Variants in DDX10 observed in about 807,000 individuals in gnomAD.
DDX10 encodes DEAD-box helicase 10, also known as probable ATP-dependent RNA helicase DDX10.
In DDX10, 74 loss-of-function variants were observed where a neutral mutation model predicts 104.3. That is an observed-to-expected ratio of 0.71 (90% CI 0.59 to 0.86). The LOEUF is 0.86. DDX10 is among the 40% of genes least tolerant of loss of function. The pLI is 0.00. For synonymous variants in DDX10, 351 were observed against 353.4 expected (o/e 0.99, Z 0.08); for missense variants, 952 against 1,040.0 (o/e 0.92, Z 1.16).
Position 108,838,478 on chromosome 11 carries a change from A to G in DDX10, c.1998A>G (p.Lys666=). 1 of 1,612,904 alleles carries G rather than the reference A, an allele frequency of 6.2e-7. No homozygotes were observed. The highest frequency in any genetic ancestry group is 8.5e-7 in the Non-Finnish European group (1 of 1,179,568). Residue 666 remains lysine (K), a synonymous_variant, in exon 14 of 18, where the codon AAA becomes AAG. Transcript: ENST00000322536. ...KKEPSKSSIK[K]KMTKVAEAKK... Reference sequence around the variant, plus strand: ...AACCTTCTAAATCCAGCATCAAGAAAAAAATGACCAAAGTTGCAGAAGCAA... The same window carrying G: ...AACCTTCTAAATCCAGCATCAAGAAGAAAATGACCAAAGTTGCAGAAGCAA...
chr11:108,839,836 A>C (rs973670526), intron 14 of DDX10, among the ~76,000 whole-genome samples: 3 of 152,220 alleles, frequency 2.0e-5, no homozygotes, highest in African/African-American at 7.2e-5. Flanking sequence ...GTCATATGAC[A>C]TCTGATGTTC....
At chr11:108,718,030 T>A (rs574954537) in intron 11 of DDX10, among the ~76,000 whole-genome samples, 80 of 152,190 alleles carry the variant, frequency 5.3e-4, no homozygotes, top group Non-Finnish European at 9.3e-4. Flanking sequence ...CTGGGTGTGG[T>A]GGTGCATGCC....
intron 17 of DDX10, among the ~76,000 whole-genome samples, chr11:108,924,586 T>G (rs930595101): frequency 9.9e-5 from 15 of 152,240 alleles, no homozygotes; most frequent in Admixed American, 9.8e-4. Context: ...TGTTCCATAT[T>G]CATTTTTCTA....
At chr11:108,818,122 C>T (rs1250070371) in intron 13 of DDX10, among the ~76,000 whole-genome samples, 3 of 152,182 alleles carry the variant, frequency 2.0e-5, no homozygotes, top group Non-Finnish European at 4.4e-5. Flanking sequence ...TTCCTATTTC[C>T]TCCTGTCAGC....
intron 13 of DDX10, among the ~76,000 whole-genome samples, chr11:108,745,171 T>TCCCCC (rs1555020839): frequency 1.3e-4 from 12 of 89,012 alleles, no homozygotes; most frequent in Non-Finnish European, 1.7e-4. Context: ...CTTCCCTTCC[T>TCCCCC]CCCTCCCCTC....
intron 17 of DDX10, chr11:108,918,303 T>C (rs960129498): frequency 1.5e-5 from 6 of 398,448 alleles, no homozygotes; most frequent in South Asian, 9.0e-5. Context: ...TTTTTTTTTT[T>C]TTCTTATCTT....
intron 13 of DDX10, among the ~76,000 whole-genome samples, chr11:108,781,743 A>C (rs1466184705): frequency 6.6e-6 from 1 of 151,538 alleles, no homozygotes; most frequent in Non-Finnish European, 1.5e-5. Flanking sequence ...TCTCACCCCC[A>C]TTGTTTGTTT....
At chr11:108,712,337 G>A (rs1040975082) in intron 10 of DDX10, among the ~76,000 whole-genome samples, 2 of 152,066 alleles carry the variant, frequency 1.3e-5, no homozygotes, top group African/African-American at 2.4e-5. Context: ...TAATGTATTC[G>A]TTACTGTTTT....
At chr11:108,715,575 T>C (rs2094290300) in intron 10 of DDX10, among the ~76,000 whole-genome samples, 1 of 152,240 alleles carries the variant, frequency 6.6e-6, no homozygotes, top group Non-Finnish European at 1.5e-5. Context: ...GGATCTCTCA[T>C]GGGAGACTAC....
chr11:108,789,634 G>A (rs1861843647), intron 13 of DDX10, among the ~76,000 whole-genome samples: 1 of 152,218 alleles, frequency 6.6e-6, no homozygotes, highest in South Asian at 2.1e-4. Context: ...AATGACTGAA[G>A]TTCTACTTCT....
chr11:108,934,891 A>C (rs1201366290), intron 17 of DDX10, among the ~76,000 whole-genome samples: 1 of 152,156 alleles, frequency 6.6e-6, no homozygotes, highest in African/African-American at 2.4e-5. Flanking sequence ...GACTGGATTG[A>C]GTGTTCTGGG....
At chr11:108,888,527 G>A (rs887006037) in intron 16 of DDX10, among the ~76,000 whole-genome samples, 5 of 152,088 alleles carry the variant, frequency 3.3e-5, no homozygotes, top group African/African-American at 1.2e-4. Context: ...AATATTACTT[G>A]TCTTGACTAT....
Position 108,724,772 on chromosome 11 carries a change from C to T in DDX10, c.1965+1310C>T, listed in dbSNP as rs142956290. On this transcript the variant is annotated intron_variant, in intron 13 of 17. Coordinates refer to ENST00000322536, the MANE Select transcript of DDX10 (RefSeq NM_004398.4). ...CCATGAATTGTTCACGTAAGTAGGA[C>T]ATGTGTCTAAGTACTAATAGCTCAT... Among the ~76,000 whole-genome samples the T allele has an allele frequency of 9.3e-4, 142 of 152,124 alleles. 1 individual carries two copies. Among genetic ancestry groups the T allele is most frequent in the African/African-American group, 3.0e-3 (125 of 41,536 alleles).
At chr11:108,809,181 A>T (rs1371754838) in intron 13 of DDX10, among the ~76,000 whole-genome samples, 1 of 152,210 alleles carries the variant, frequency 6.6e-6, no homozygotes, top group African/African-American at 2.4e-5. Context: ...GCATTCACTC[A>T]AACATTTAGT....
At chr11:108,928,665 C>G (rs1863939558) in intron 17 of DDX10, among the ~76,000 whole-genome samples, 1 of 152,152 alleles carries the variant, frequency 6.6e-6, no homozygotes, top group African/African-American at 2.4e-5. Flanking sequence ...CTCTGTGACC[C>G]AGCTTTCTTC....
At chr11:108,716,113 TG>T (rs1322640918) in intron 11 of DDX10, 147 bp downstream of exon 11, 2 of 612,660 alleles carry the variant, frequency 3.3e-6, no homozygotes, top group Non-Finnish European at 3.0e-6. Context: ...TTTTTTTTTT[TG>T]AGATGGAGTC....
chr11:108,867,890 T>C (rs994056854), intron 16 of DDX10, among the ~76,000 whole-genome samples: 3 of 152,180 alleles, frequency 2.0e-5, no homozygotes, highest in Admixed American at 1.3e-4. Flanking sequence ...ATAACACTGA[T>C]AGTTATAATG....
intron 13 of DDX10, among the ~76,000 whole-genome samples, chr11:108,773,987 AGCTTCAAG>A (rs2094366648): frequency 6.6e-6 from 1 of 152,218 alleles, no homozygotes; most frequent in African/African-American, 2.4e-5. Flanking sequence ...AGTGTGTCAT[AGCTTCAAG>A]GCTGCATACA....
chr11:108,720,129 G>A (rs149664867), intron 12 of DDX10, among the ~76,000 whole-genome samples: 46 of 152,294 alleles, frequency 3.0e-4, no homozygotes, highest in South Asian at 1.2e-3. Flanking sequence ...TCTGCCTTAC[G>A]TTAAAAGAAT....
Sources: gnomAD v4.1 joint callset for allele counts (sites outside exome capture counted in the v4.1 genomes callset) on GRCh38, gnomAD v4.1.1 for gene constraint, MANE v1.5 for transcripts, NCBI Gene and HGNC (gene_info 2026-07-23, HGNC 2026-07-21) for gene names.